Variants in KCNH1 observed in about 807,000 individuals in gnomAD.
KCNH1 encodes the protein potassium voltage-gated channel subfamily H member 1.
Under a neutral mutation model 69.2 loss-of-function variants are expected in KCNH1, and 27 were observed. The observed-to-expected ratio is 0.39, with a 90% CI of 0.29 to 0.54. The LOEUF is 0.54. Ranked by LOEUF, KCNH1 falls within the 20% of genes least tolerant of loss-of-function variation. The pLI is 0.68. For synonymous variants in KCNH1, 456 were observed against 487.7 expected (o/e 0.93, Z 0.86); for missense variants, 798 against 1,261.6 (o/e 0.63, Z 5.57).
intron 10 of KCNH1, among the ~76,000 whole-genome samples, chr1:210,732,805 A>C (rs1682776480): frequency 6.6e-6 from 1 of 152,196 alleles, no homozygotes; most frequent in Non-Finnish European, 1.5e-5. Flanking sequence ...TAAGGGCATT[A>C]ATCCCATTTA....
At chr1:210,903,331 A>G (rs889354499) in intron 7 of KCNH1, among the ~76,000 whole-genome samples, 7 of 152,188 alleles carry the variant, frequency 4.6e-5, no homozygotes, top group African/African-American at 1.4e-4. Flanking sequence ...CTCAGCATCT[A>G]TCAGCCCTAA....
intron 3 of KCNH1, among the ~76,000 whole-genome samples, chr1:211,098,333 A>AG (rs796197614): frequency 6.9e-4 from 105 of 151,700 alleles, no homozygotes; most frequent in African/African-American, 1.9e-3. Flanking sequence ...AAAAAAAAAA[A>AG]AAAGAAAGAA....
intron 10 of KCNH1, among the ~76,000 whole-genome samples, chr1:210,767,117 A>T (rs139884094): frequency 6.6e-6 from 1 of 152,356 alleles, no homozygotes; most frequent in African/African-American, 2.4e-5. Flanking sequence ...AACTTGGCAG[A>T]TGGGTTCGAA....
At chr1:210,778,296 G>T (rs749720195) in intron 9 of KCNH1, among the ~76,000 whole-genome samples, 7 of 152,164 alleles carry the variant, frequency 4.6e-5, no homozygotes, top group Non-Finnish European at 8.8e-5. Context: ...GCAATAGATA[G>T]CCAGAATACA....
At chr1:210,781,119 C>T (rs1683972251) in intron 9 of KCNH1, among the ~76,000 whole-genome samples, 1 of 152,154 alleles carries the variant, frequency 6.6e-6, no homozygotes, top group African/African-American at 2.4e-5. Flanking sequence ...TTATCTGTTC[C>T]TTCATTCACC....
intron 7 of KCNH1, among the ~76,000 whole-genome samples, chr1:210,807,564 T>C (rs1454194978): frequency 6.6e-6 from 1 of 152,024 alleles, no homozygotes; most frequent in Non-Finnish European, 1.5e-5. Context: ...TGAGCCAAGA[T>C]TGTGCCACTG....
chr1:210,868,706 C>A (rs1050798477), intron 7 of KCNH1, among the ~76,000 whole-genome samples: 1 of 152,042 alleles, frequency 6.6e-6, no homozygotes, highest in African/African-American at 2.4e-5. Flanking sequence ...GTCACACCCA[C>A]TTCCTTCCAA....
intron 7 of KCNH1, among the ~76,000 whole-genome samples, chr1:210,875,565 G>A (rs1349943877): frequency 6.6e-6 from 1 of 152,160 alleles, no homozygotes; most frequent in Non-Finnish European, 1.5e-5. Context: ...CACTTTGGGA[G>A]GCCAAGGCGG....
intron 7 of KCNH1, among the ~76,000 whole-genome samples, chr1:210,876,402 G>T (rs1686374121): frequency 6.6e-6 from 1 of 151,978 alleles, no homozygotes; most frequent in Admixed American, 6.6e-5. Context: ...CTCCATTTCA[G>T]TTGACAGCCA....
At chr1:210,785,799 C>T (rs1395745708) in intron 9 of KCNH1, among the ~76,000 whole-genome samples, 5 of 152,108 alleles carry the variant, frequency 3.3e-5, no homozygotes, top group South Asian at 2.1e-4. Flanking sequence ...GCTCTCTCCT[C>T]GGGAATGAAC....
At chr1:210,985,641 TG>T (rs1688815763) in intron 6 of KCNH1, among the ~76,000 whole-genome samples, 1 of 152,230 alleles carries the variant, frequency 6.6e-6, no homozygotes, top group Non-Finnish European at 1.5e-5. Flanking sequence ...CACTGTGGTC[TG>T]GGAGAGAGTT....
chr1:211,059,016 C>T (rs1198739328), intron 5 of KCNH1, among the ~76,000 whole-genome samples: 1 of 152,176 alleles, frequency 6.6e-6, no homozygotes, highest in Admixed American at 6.5e-5. Flanking sequence ...TGCGGTGGCT[C>T]ACGCCTGTAA....
chr1:210,769,633 G>A (rs1027604894), intron 10 of KCNH1, among the ~76,000 whole-genome samples: 4 of 152,098 alleles, frequency 2.6e-5, no homozygotes, highest in African/African-American at 4.8e-5. Flanking sequence ...AATTACCTAC[G>A]TGCCAATTAT....
chr1:210,746,553 TTTTC>T (rs1234929527), intron 10 of KCNH1, among the ~76,000 whole-genome samples: 5 of 142,762 alleles, frequency 3.5e-5, no homozygotes, highest in Admixed American at 2.9e-4. Context: ...TCACACAATC[TTTTC>T]TTTCTTTCTT....
At chr1:210,706,458 T>G (rs916499029) in intron 10 of KCNH1, among the ~76,000 whole-genome samples, 3 of 152,260 alleles carry the variant, frequency 2.0e-5, no homozygotes, top group Non-Finnish European at 4.4e-5. Flanking sequence ...GACCTTTGCT[T>G]TAGCCACTAT....
chr1:210,911,557 TAA>T (rs35500832), intron 7 of KCNH1, among the ~76,000 whole-genome samples: 37 of 92,336 alleles, frequency 4.0e-4, no homozygotes, highest in Middle Eastern at 6.7e-3. Flanking sequence ...TAAAGTATAA[TAA>T]AAAAAAAAAA....
chr1:210,826,313 G>A (rs74156834), intron 7 of KCNH1, among the ~76,000 whole-genome samples: 4,677 of 151,846 alleles, frequency 0.031, 232 homozygotes, highest in African/African-American at 0.1. Flanking sequence ...TGCAACAATG[G>A]GTTTATGAGG....
intron 7 of KCNH1, among the ~76,000 whole-genome samples, chr1:210,844,506 A>G (rs963299981): frequency 1.4e-4 from 21 of 152,374 alleles, no homozygotes; most frequent in African/African-American, 5.0e-4. Context: ...GAAGACAGAA[A>G]TAAGGATGTT....
chr1:211,017,953 C>T lies in KCNH1; in HGVS notation c.1032+830G>A, dbSNP rs146912399. Among the ~76,000 whole-genome samples, 13 of 152,144 alleles carry T rather than the reference C, an allele frequency of 8.5e-5. No homozygotes were observed. In the East Asian group the frequency reaches 2.5e-3, roughly 29 times the overall value. ...GGATCCCTCTTAAGTATATTAATGT[C>T]CTCTCTGGGGGAAGTGGGGTGGTGA... On this transcript the variant is annotated intron_variant, in intron 6 of 10. Transcript: ENST00000271751.
Sources: gnomAD v4.1 joint callset for allele counts (sites outside exome capture counted in the v4.1 genomes callset) on GRCh38, gnomAD v4.1.1 for gene constraint, MANE v1.5 for transcripts, NCBI Gene and HGNC (gene_info 2026-07-23, HGNC 2026-07-21) for gene names.